PRIM2: variants seen among roughly 807,000 people sequenced by gnomAD.
The protein encoded by PRIM2 is DNA primase large subunit.
PRIM2 carries 39 observed loss-of-function variants against 67.3 expected under a neutral mutation model. That is an observed-to-expected ratio of 0.58 (90% confidence interval 0.45 to 0.76). PRIM2 has a LOEUF of 0.76. Ranked by LOEUF, PRIM2 falls within the 30% of genes least tolerant of loss-of-function variation. PRIM2 has a pLI of 0.00. For missense variants in PRIM2, 398 were observed against 598.7 expected (o/e 0.66, Z 3.50); for synonymous variants, 143 against 198.7 (o/e 0.72, Z 2.36).
At chr6:57,393,470 A>C (rs1325422433) in intron 7 of PRIM2, among the ~76,000 whole-genome samples, 13 of 151,960 alleles carry the variant, frequency 8.6e-5, no homozygotes, top group Admixed American at 8.5e-4. Context: ...AGAATTGTCT[A>C]TTCATATCCT....
intron 5 of PRIM2, among the ~76,000 whole-genome samples, chr6:57,338,117 G>A (rs143096843): frequency 0.11 from 16,821 of 147,388 alleles, 1,089 homozygotes; most frequent in African/African-American, 0.16. Flanking sequence ...GAAGAAATGG[G>A]TAAATTCCTC....
chr6:57,350,492 G>A (rs1425628211), intron 5 of PRIM2, among the ~76,000 whole-genome samples: 1 of 152,162 alleles, frequency 6.6e-6, no homozygotes, highest in Non-Finnish European at 1.5e-5. Flanking sequence ...AATTTAACTT[G>A]TCAATCTGCA....
At chr6:57,496,480 T>C (rs1554346394) in intron 7 of PRIM2, among the ~76,000 whole-genome samples, 1 of 152,204 alleles carries the variant, frequency 6.6e-6, no homozygotes, top group African/African-American at 2.4e-5. Flanking sequence ...TAGATATGGT[T>C]GGTAACTCCA....
intron 10 of PRIM2, among the ~76,000 whole-genome samples, chr6:57,587,664 CAAAAAAAAAAAAAA>C (rs1157172882): frequency 7.4e-5 from 4 of 54,240 alleles, no homozygotes; most frequent in East Asian, 7.6e-4. Context: ...GACTCTGTCT[CAAAAAAAAAAAAAA>C]AAAAAAAAAA....
intron 5 of PRIM2, among the ~76,000 whole-genome samples, chr6:57,370,493 T>C (rs1769509912): frequency 6.6e-6 from 1 of 152,160 alleles, no homozygotes; most frequent in Non-Finnish European, 1.5e-5. Context: ...TATAACTAAA[T>C]AGATAAATGA....
intron 8 of PRIM2, among the ~76,000 whole-genome samples, chr6:57,524,439 C>T (rs1554349177): frequency 0.56 from 85,805 of 151,964 alleles, 24,993 homozygotes; most frequent in African/African-American, 0.74. Flanking sequence ...CGGTGGCTCA[C>T]GCCTGTAATC....
chr6:57,260,700 C>T, the PRIM2 span, among the ~76,000 whole-genome samples: 2 of 152,068 alleles, frequency 1.3e-5, no homozygotes, highest in Non-Finnish European at 2.9e-5. Context: ...GAAATGGGTA[C>T]AATGGATATA....
chr6:57,347,499 T>G (rs975465943), intron 5 of PRIM2, among the ~76,000 whole-genome samples: 2 of 152,166 alleles, frequency 1.3e-5, no homozygotes, highest in African/African-American at 2.4e-5. Context: ...TAGGCTGGAG[T>G]GCAGTGGTGT....
intron 8 of PRIM2, among the ~76,000 whole-genome samples, chr6:57,529,170 C>T (rs1389152699): frequency 1.3e-5 from 2 of 152,048 alleles, no homozygotes; most frequent in African/African-American, 4.8e-5. Flanking sequence ...ATTAGCCGGT[C>T]GTGGTGGTGG....
chr6:57,423,590 G>A (rs1205989367), intron 7 of PRIM2, among the ~76,000 whole-genome samples: 1 of 152,196 alleles, frequency 6.6e-6, no homozygotes, highest in African/African-American at 2.4e-5. Flanking sequence ...TAGTTGCTAG[G>A]TAATAGGGTT....
chr6:57,269,492 G>A, the PRIM2 span, among the ~76,000 whole-genome samples: 7 of 152,130 alleles, frequency 4.6e-5, no homozygotes, highest in African/African-American at 7.2e-5. Flanking sequence ...TTTTTTTCTT[G>A]TAAATTTGTT....
intron 12 of PRIM2, among the ~76,000 whole-genome samples, chr6:57,616,504 G>A (rs1776760147): frequency 6.6e-6 from 1 of 152,108 alleles, no homozygotes; most frequent in South Asian, 2.1e-4. Flanking sequence ...ACTGTGAAGT[G>A]AATGGTAATT....
chr6:57,324,143 C>A, intron 3 of PRIM2, 58 bp from the exon 4 acceptor site: 1 of 983,938 alleles, frequency 1.0e-6, no homozygotes, highest in Non-Finnish European at 1.6e-6. Context: ...CTCAGTATTT[C>A]CTTACACCTC....
chr6:57,537,798 T>C (rs1341959738), intron 10 of PRIM2, among the ~76,000 whole-genome samples, 173 bp downstream of exon 10: 1 of 152,134 alleles, frequency 6.6e-6, no homozygotes. Context: ...ATTAATCTAA[T>C]ACAAAAGATT....
rs1484769698 is a variant in PRIM2 at position 57,531,375 on chromosome 6, G to T, written c.762-1036G>T. Reference sequence around the variant, plus strand: ...GACAGAGTCTTACTCTGTTGCCCAGGTGGAATTCTTTATGATCATAATGAC... The same window carrying T: ...GACAGAGTCTTACTCTGTTGCCCAGTTGGAATTCTTTATGATCATAATGAC... On this transcript the variant is annotated intron_variant, in intron 8 of 13. Coordinates refer to ENST00000615550, the MANE Select transcript of PRIM2 (RefSeq NM_000947.5). Among the ~76,000 whole-genome samples, 11 of 152,226 alleles carry T rather than the reference G, an allele frequency of 7.2e-5. No individual in the cohort carries two copies. The South Asian group carries it at 2.3e-3, about 32-fold the overall frequency.
At chr6:57,274,317 C>T in the PRIM2 span, among the ~76,000 whole-genome samples, 6 of 152,254 alleles carry the variant, frequency 3.9e-5, no homozygotes, top group Non-Finnish European at 1.5e-5. Context: ...CTAATCAAGT[C>T]TCGGCAATGG....
chr6:57,457,567 G>C (rs1353464251), intron 7 of PRIM2, among the ~76,000 whole-genome samples: 10 of 152,154 alleles, frequency 6.6e-5, no homozygotes, highest in Non-Finnish European at 1.3e-4. Flanking sequence ...GAGGCTCTGT[G>C]GGTGTAGGAC....
chr6:57,305,033 T>C, the PRIM2 span, among the ~76,000 whole-genome samples: 1 of 152,242 alleles, frequency 6.6e-6, no homozygotes, highest in African/African-American at 2.4e-5. Flanking sequence ...TATTGATTAG[T>C]CAGAGAAAGG....
intron 7 of PRIM2, among the ~76,000 whole-genome samples, chr6:57,487,572 C>T (rs1316569589): frequency 6.6e-6 from 1 of 152,180 alleles, no homozygotes; most frequent in Admixed American, 6.5e-5. Flanking sequence ...TATGGTACTA[C>T]AAGCACTACA....
Sources: gnomAD v4.1 joint callset for allele counts (sites outside exome capture counted in the v4.1 genomes callset) on GRCh38, gnomAD v4.1.1 for gene constraint, MANE v1.5 for transcripts, NCBI Gene and HGNC (gene_info 2026-07-23, HGNC 2026-07-21) for gene names.